The following ABCC2 variants were observed in gnomAD, a reference collection of about 807,000 sequenced individuals.
ABCC2 encodes the protein ATP-binding cassette sub-family C member 2.
Under a neutral mutation model 173.4 loss-of-function variants are expected in ABCC2, and 157 were observed. The observed-to-expected ratio is 0.91, with a 90% CI of 0.80 to 1.03. The LOEUF (loss-of-function observed/expected upper bound fraction) is 1.03. Among genes scored for constraint, ABCC2 ranks in the 50% least tolerant of loss-of-function variants. ABCC2 has a pLI of 0.00. For missense variants in ABCC2, 1,822 were observed against 1,852.3 expected (o/e 0.98, Z 0.30); for synonymous variants, 657 against 693.5 (o/e 0.95, Z 0.83).
At chr10:99,833,086 A>G (rs75466745) in intron 23 of ABCC2, among the ~76,000 whole-genome samples, 5,013 of 152,304 alleles carry the variant, frequency 0.033, 276 homozygotes, top group African/African-American at 0.11. Flanking sequence ...AGACATAGAA[A>G]GTATAGCTCA....
intron 1 of ABCC2, among the ~76,000 whole-genome samples, chr10:99,783,117 C>T (rs941957126): frequency 2.6e-5 from 4 of 152,170 alleles, no homozygotes; most frequent in South Asian, 2.1e-4. Context: ...ACTAGCTAGT[C>T]GCAAAATTGC....
At chr10:99,804,676 G>A (rs938775027) in intron 10 of ABCC2, among the ~76,000 whole-genome samples, 4 of 152,080 alleles carry the variant, frequency 2.6e-5, no homozygotes, top group African/African-American at 7.2e-5. Flanking sequence ...CAATCACCCC[G>A]CTACCACCAG....
chr10:99,825,168 T>TAGA (rs202075698), intron 19 of ABCC2, among the ~76,000 whole-genome samples: 2 of 61,964 alleles, frequency 3.2e-5, no homozygotes, highest in Middle Eastern at 0.013. Flanking sequence ...GGAGCGGGCA[T>TAGA]GATTTCCGCA....
intron 29 of ABCC2, among the ~76,000 whole-genome samples, chr10:99,846,054 G>C (rs1180641421): frequency 1.3e-5 from 2 of 152,204 alleles, no homozygotes; most frequent in South Asian, 4.1e-4. Context: ...CGTTGCTATA[G>C]CCCATCACGG....
chr10:99,817,524 A>G (rs1478440880), intron 17 of ABCC2, 40 bp downstream of exon 17: 3 of 1,605,106 alleles, frequency 1.9e-6, no homozygotes, highest in African/African-American at 2.7e-5. Flanking sequence ...GTGAAGGCAT[A>G]TTGAAGAGAA....
chr10:99,850,379 T>C (rs1445139968), intron 30 of ABCC2, among the ~76,000 whole-genome samples: 1 of 152,200 alleles, frequency 6.6e-6, no homozygotes, highest in Non-Finnish European at 1.5e-5. Context: ...CCCAGAAATA[T>C]GACTTTTTAA....
rs148791847 is a variant in ABCC2 at position 99,792,240 on chromosome 10, G to A, written c.214G>A (p.Val72Ile). The A allele has an allele frequency of 1.4e-5, 23 of 1,613,714 alleles. No individual in the cohort carries two copies. Among genetic ancestry groups the A allele is most frequent in the Admixed American group, 6.7e-5 (4 of 59,982 alleles). Residue 72 changes from valine (V) to isoleucine (I), a missense_variant, in exon 3 of 32, where the codon GTT (valine) becomes ATT (isoleucine). Val to Ile is a conservative substitution (Grantham distance 29, BLOSUM62 3). Coordinates refer to ENST00000647814, the MANE Select transcript of ABCC2 (RefSeq NM_000392.5). ...TKLYLAKQVF[V>I]GFLLILAAIE... is the part of the protein sequence containing the mutation. ...GGTCTTTTTCCCTTCTCAGGTATTC[G>A]TTGGTTTTCTTCTTATTCTAGCAGC...
In ABCC2 at chr10:99,830,429, C is replaced by T. The variant is rs112758556; in HGVS notation, c.2743C>T (p.Arg915Cys). 467 of 1,614,178 alleles carry T rather than the reference C, an allele frequency of 2.9e-4. No individual in the cohort carries two copies. In the African/African-American group the frequency reaches 4.7e-3, roughly 16 times the overall value. Reference protein sequence around the residue: ...RENSFRRTLSRSSRSNGRHLK... With the variant: ...RENSFRRTLSCSSRSNGRHLK... ...GAACAGCTTTCGTCGAACACTTAGC[C>T]GCAGGTTGGCTATCTATTCAGCTGG... Residue 915 changes from arginine to cysteine, a missense_variant, in exon 20 of 32, where the codon CGC (arginine) becomes TGC (cysteine). By Grantham distance (180) the Arg-to-Cys change is radical (BLOSUM62 -3). Coordinates refer to ENST00000647814, the MANE Select transcript of ABCC2 (RefSeq NM_000392.5).
At chr10:99,784,465 GA>G in intron 1 of ABCC2, 142 bp from the exon 2 acceptor site, 1 of 933,780 alleles carries the variant, frequency 1.1e-6, no homozygotes, top group Middle Eastern at 3.2e-4. Context: ...GCACAAATAG[GA>G]AAATACGGAT....
intron 26 of ABCC2, among the ~76,000 whole-genome samples, chr10:99,843,380 T>G (rs2038974127): frequency 6.6e-6 from 1 of 152,248 alleles, no homozygotes; most frequent in Non-Finnish European, 1.5e-5. Flanking sequence ...TGTGCATATA[T>G]GCAAACTCCT....
intron 14 of ABCC2, 144 bp from the exon 15 acceptor site, chr10:99,811,392 T>A: frequency 1.2e-6 from 1 of 804,042 alleles, no homozygotes; most frequent in Non-Finnish European, 2.1e-6. Flanking sequence ...TTCTAGGAGA[T>A]TTCATTCACC....
chr10:99,807,964 G>A (rs2038141614), intron 12 of ABCC2, 119 bp from the exon 13 acceptor site: 1 of 1,234,650 alleles, frequency 8.1e-7, no homozygotes, highest in Non-Finnish European at 1.2e-6. Flanking sequence ...TCTGTAACAT[G>A]GGGAGGCTGG....
chr10:99,847,899 C>A (rs2039041024), intron 30 of ABCC2, among the ~76,000 whole-genome samples: 2 of 152,086 alleles, frequency 1.3e-5, no homozygotes, highest in Admixed American at 6.5e-5. Context: ...GCCTGGGAGA[C>A]AGAGCAAGAC....
At chr10:99,814,756 C>CATGTAT (rs2038367563) in intron 16 of ABCC2, among the ~76,000 whole-genome samples, 13 of 131,304 alleles carry the variant, frequency 9.9e-5, no homozygotes, top group African/African-American at 4.0e-4. Context: ...TATGTATATA[C>CATGTAT]ACACACATAT....
chr10:99,783,042 A>T (rs542293030), intron 1 of ABCC2, among the ~76,000 whole-genome samples, 165 bp downstream of exon 1: 1 of 152,358 alleles, frequency 6.6e-6, no homozygotes, highest in African/African-American at 2.4e-5. Flanking sequence ...TCCAGAGGAT[A>T]TAAGATCTGG....
Position 99,788,414 on chromosome 10 carries a change from C to A in ABCC2, c.207+3633C>A, listed in dbSNP as rs183425345. The A allele has an allele frequency of 7.2e-5, 11 of 152,182 alleles. No individual in the cohort carries two copies. In the East Asian group the frequency reaches 2.1e-3, roughly 29 times the overall value. 9.4% of individuals were successfully genotyped at this position (152,182 alleles called of 1,614,324 possible). ...ATTAGACTTCAGTCATATCCCACCC[C>A]CAAATAGACCCAATAGGTACAATGA... On this transcript the variant is annotated intron_variant, in intron 2 of 31. Transcript: ENST00000647814.
chr10:99,841,137 G>A (rs963534636), intron 25 of ABCC2, among the ~76,000 whole-genome samples: 11 of 152,030 alleles, frequency 7.2e-5, no homozygotes, highest in African/African-American at 2.4e-4. Flanking sequence ...TACAAATACT[G>A]AAATCAAACA....
intron 10 of ABCC2, among the ~76,000 whole-genome samples, chr10:99,804,507 G>A (rs1482773898): frequency 1.3e-5 from 2 of 152,068 alleles, no homozygotes; most frequent in Non-Finnish European, 2.9e-5. Flanking sequence ...ACTGGGGAAG[G>A]AAGGGCTACC....
chr10:99,806,652 A>G (rs570418759), intron 11 of ABCC2, among the ~76,000 whole-genome samples: 7 of 152,356 alleles, frequency 4.6e-5, no homozygotes, highest in Admixed American at 4.6e-4. Context: ...AAGAAGAATT[A>G]TCTTTCATCA....
Sources: gnomAD v4.1 joint callset for allele counts (sites outside exome capture counted in the v4.1 genomes callset) on GRCh38, gnomAD v4.1.1 for gene constraint, MANE v1.5 for transcripts, NCBI Gene and HGNC (gene_info 2026-07-23, HGNC 2026-07-21) for gene names.